HERC2: variants seen among roughly 807,000 people sequenced by gnomAD.
HERC2 encodes HECT and RLD domain containing E3 ubiquitin protein ligase 2.
A neutral mutation model predicts 537.7 loss-of-function variants in HERC2; 102 were observed. The ratio of observed to expected loss-of-function variants is 0.19; its 90% CI spans 0.16 to 0.22. The LOEUF is 0.22. Among genes scored for constraint, HERC2 ranks in the 10% least tolerant of loss-of-function variants. The pLI is 1.00. For missense variants in HERC2, 4,236 were observed against 6,198.2 expected (o/e 0.68, Z 10.63); for synonymous variants, 2,224 against 2,466.2 (o/e 0.90, Z 2.91).
intron 83 of HERC2, among the ~76,000 whole-genome samples, chr15:28,125,394 C>A (rs966504308): frequency 1.3e-5 from 2 of 152,184 alleles, no homozygotes; most frequent in African/African-American, 2.4e-5. Context: ...AATTACACAT[C>A]CAAAGAGGCG....
intron 26 of HERC2, among the ~76,000 whole-genome samples, chr15:28,235,688 C>T (rs149646235): frequency 0.021 from 3,232 of 152,180 alleles, 101 homozygotes; most frequent in African/African-American, 0.073. Context: ...CCCAAAACCA[C>T]GTATGAACGT....
chr15:28,244,407 T>C (rs181876512), intron 23 of HERC2, among the ~76,000 whole-genome samples: 29 of 152,086 alleles, frequency 1.9e-4, no homozygotes, highest in African/African-American at 6.7e-4. Context: ...GACAAGAACT[T>C]AGTATAAGAT....
intron 44 of HERC2, among the ~76,000 whole-genome samples, chr15:28,208,700 GC>G (rs1316180649): frequency 6.6e-6 from 1 of 152,030 alleles, no homozygotes; most frequent in Non-Finnish European, 1.5e-5. Context: ...CCAAAGACTC[GC>G]CACTTTCACT....
At chr15:28,218,223 A>G (rs1301846543) in intron 38 of HERC2, among the ~76,000 whole-genome samples, 1 of 151,988 alleles carries the variant, frequency 6.6e-6, no homozygotes, top group Non-Finnish European at 1.5e-5. Context: ...GGAACGCTAA[A>G]GAGACCAGTA....
In HERC2 at chr15:28,124,112, G is replaced by C; in HGVS notation, c.13113C>G (p.Gly4371=). The C allele has an allele frequency of 6.2e-7, 1 of 1,607,778 alleles. No homozygotes were observed. The highest frequency in any genetic ancestry group is 8.5e-7 in the Non-Finnish European group (1 of 1,177,022). The stretch of plus-strand genomic sequence containing the variant: ...GCCCGAGTCCAGTTTCGTCGAGCGA[G>C]CCTTCCAGGTCGAACATGGGGATGC... ...CPCIPMFDLE[G]SLDETGLGPS... The change falls in exon 85 of 93, where the codon GGC becomes GGG. Residue 4371 remains glycine (G), a synonymous_variant. Transcript: ENST00000261609.
chr15:28,229,946 T>C (rs1428663027), intron 31 of HERC2, 99 bp from the exon 32 acceptor site: 1 of 868,894 alleles, frequency 1.2e-6, no homozygotes, highest in Non-Finnish European at 1.9e-6. Flanking sequence ...TGCTCATAGG[T>C]TTAAATTGGT....
At chr15:28,316,725 C>T (rs1268282139) in intron 2 of HERC2, among the ~76,000 whole-genome samples, 1 of 152,258 alleles carries the variant, frequency 6.6e-6, no homozygotes, top group African/African-American at 2.4e-5. Context: ...AACCTGAAAG[C>T]CTGAGAACAG....
At chr15:28,198,089 C>T (rs1251210169) in intron 50 of HERC2, among the ~76,000 whole-genome samples, 2 of 152,152 alleles carry the variant, frequency 1.3e-5, no homozygotes, top group Non-Finnish European at 2.9e-5. Flanking sequence ...CCCCCAAATA[C>T]CCAACATAAA....
chr15:28,276,831 T>C (rs1003236478), intron 5 of HERC2, among the ~76,000 whole-genome samples: 1 of 151,810 alleles, frequency 6.6e-6, no homozygotes, highest in East Asian at 1.9e-4. Flanking sequence ...GTTAAGGGGA[T>C]TGTGCTGAGT....
At chr15:28,267,064 G>A (rs1157390337) in intron 12 of HERC2, among the ~76,000 whole-genome samples, 2 of 152,194 alleles carry the variant, frequency 1.3e-5, no homozygotes, top group Non-Finnish European at 1.5e-5. Context: ...AAATTTCAAA[G>A]TTAGCAAAAT....
chr15:28,201,923 C>T (rs537606206), intron 47 of HERC2, among the ~76,000 whole-genome samples, 190 bp downstream of exon 47: 1 of 151,810 alleles, frequency 6.6e-6, no homozygotes, highest in African/African-American at 2.4e-5. Flanking sequence ...ATATAGAAAC[C>T]CAATCATCCC....
Position 28,132,731 on chromosome 15 carries a change from C to G in HERC2, c.12330G>C (p.Gly4110=). The stretch of plus-strand genomic sequence containing the variant: ...GGCCTTTGCCCCATGTGTAGAGGTC[C>G]CCGGCTGCTGTGACACAGGCGCTGT... The part of the protein sequence containing the change: ...GAHSACVTAA[G]DLYTWGKGRY... Residue 4110 remains glycine, a synonymous_variant, in exon 80 of 93, where the codon GGG becomes GGC. Transcript: ENST00000261609. 6.2e-7 allele frequency: 1 copy of G among 1,608,536 alleles called. No individual in the cohort carries two copies. Among genetic ancestry groups the G allele is most frequent in the South Asian group, 1.1e-5 (1 of 90,026 alleles).
rs781261199 is a variant in HERC2 at position 28,182,381 on chromosome 15, T to C, written c.8937+20A>G. On this transcript the variant is annotated intron_variant, in intron 57 of 92. Coordinates refer to ENST00000261609, the MANE Select transcript of HERC2 (RefSeq NM_004667.6). ...CTGCCGAGTGCCCCACCCTGCTGGG[T>C]CCCAGGGAGCAGGCCGTACCTTGGA... 1.9e-6 allele frequency: 3 copies of C among 1,563,114 alleles called. No individual in the cohort carries two copies. Among genetic ancestry groups the C allele is most frequent in the Non-Finnish European group, 2.6e-6 (3 of 1,134,612 alleles).
At chr15:28,204,293 A>G (rs543825674) in intron 45 of HERC2, among the ~76,000 whole-genome samples, 1 of 152,346 alleles carries the variant, frequency 6.6e-6, no homozygotes, top group South Asian at 2.1e-4. Flanking sequence ...GAAATTCAAC[A>G]TAACTATCAG....
intron 5 of HERC2, among the ~76,000 whole-genome samples, chr15:28,275,465 C>A (rs74472794): frequency 1.3e-5 from 2 of 152,246 alleles, no homozygotes; most frequent in Non-Finnish European, 2.9e-5. Flanking sequence ...TGAAGCCCTG[C>A]GTGCTTGACC....
At chr15:28,300,823 C>CAAAA (rs57696757) in intron 2 of HERC2, among the ~76,000 whole-genome samples, 3 of 13,158 alleles carry the variant, frequency 2.3e-4, no homozygotes, top group East Asian at 2.5e-3. Flanking sequence ...GACTCCATCT[C>CAAAA]AAAAAAAAAA....
rs2075411648 is a variant in HERC2 at position 28,261,390 on chromosome 15, T to C, written c.2123-420A>G. 3.3e-5 allele frequency among the ~76,000 whole-genome samples: 5 copies of C among 152,348 alleles called. No individual in the cohort carries two copies. The South Asian group carries it at 1.0e-3, about 32-fold the overall frequency. On this transcript the variant is annotated intron_variant, in intron 15 of 92. Coordinates refer to ENST00000261609, the MANE Select transcript of HERC2 (RefSeq NM_004667.6). ...TGTTCTCTCAGTTAGATATAACTGA[T>C]ATTTAAAACATTGTTTCTATTTAAA...
At chr15:28,244,572 G>A (rs1903473620) in intron 23 of HERC2, among the ~76,000 whole-genome samples, 1 of 152,100 alleles carries the variant, frequency 6.6e-6, no homozygotes, top group Non-Finnish European at 1.5e-5. Flanking sequence ...TATCTACTAG[G>A]TACTTTTGTG....
intron 92 of HERC2, among the ~76,000 whole-genome samples, chr15:28,112,516 C>T (rs1366496170): frequency 1.3e-5 from 2 of 152,244 alleles, no homozygotes; most frequent in African/African-American, 4.8e-5. Context: ...CTGGCAGAGA[C>T]GCAGGTCAGG....
Sources: allele counts gnomAD v4.1 joint callset (sites outside exome capture counted in the v4.1 genomes callset), GRCh38; gene constraint gnomAD v4.1.1; transcripts MANE v1.5; gene names NCBI Gene and HGNC (gene_info 2026-07-23, HGNC 2026-07-21).